The following SLC41A1 variants were observed in gnomAD, a reference collection of about 807,000 sequenced individuals.
SLC41A1 encodes the protein solute carrier family 41 (magnesium transporter), member 1.
In SLC41A1, 20 loss-of-function variants were observed where a neutral mutation model predicts 47.3. That is an observed-to-expected ratio of 0.42 (90% CI 0.30 to 0.61). The LOEUF is 0.61. SLC41A1 is among the 20% of genes least tolerant of loss of function. The probability of loss-of-function intolerance (pLI) is 0.17; values close to 1 mark genes in which losing one functional copy is unlikely to be tolerated. For missense variants in SLC41A1, 504 were observed against 674.1 expected (o/e 0.75, Z 2.79); for synonymous variants, 282 against 272.7 (o/e 1.03, Z -0.34).
intron 2 of SLC41A1, among the ~76,000 whole-genome samples, chr1:205,807,648 GTCTTTTTT>G (rs1656045083): frequency 1.0e-5 from 1 of 100,124 alleles, no homozygotes; most frequent in African/African-American, 3.4e-5. Flanking sequence ...TCCTCGTAGA[GTCTTTTTT>G]TTTTTTTTTT....
intron 10 of SLC41A1, among the ~76,000 whole-genome samples, chr1:205,793,542 A>G (rs1229183335): frequency 6.6e-6 from 1 of 152,232 alleles, no homozygotes; most frequent in African/African-American, 2.4e-5. Context: ...GCCCCTGCCA[A>G]GATGTCCGAA....
At chr1:205,809,612 G>A (rs1266240619) in intron 2 of SLC41A1, among the ~76,000 whole-genome samples, 1 of 152,156 alleles carries the variant, frequency 6.6e-6, no homozygotes, top group Non-Finnish European at 1.5e-5. Flanking sequence ...CTTGGCAGCT[G>A]AACAAATTCC....
At chr1:205,805,723 C>T (rs1007012125) in intron 2 of SLC41A1, among the ~76,000 whole-genome samples, 2 of 152,144 alleles carry the variant, frequency 1.3e-5, no homozygotes, top group African/African-American at 4.8e-5. Context: ...GACTGCCTCC[C>T]CCATAGCCAA....
chr1:205,810,310 C>T lies in SLC41A1; in HGVS notation c.132G>A (p.Gly44=). ...ACTCAATCACCACCTCTACCCCAGC[C>T]CCATCAGGCCCCAGGAACTCTGAGG... The part of the protein sequence containing the change: ...AGTSEFLGPD[G]AGVEVVIESR... Residue 44 remains glycine (G), a synonymous_variant, in exon 2 of 11, where the codon GGG becomes GGA. Transcript: ENST00000367137. This position sits in a 1 kb window ranked among gnomAD's most constrained non-coding sequence, Gnocchi z 5.5. 1 of 1,614,200 alleles carries T rather than the reference C, an allele frequency of 6.2e-7. No homozygotes were observed.
chr1:205,799,910 C>T, intron 3 of SLC41A1, 80 bp from the exon 4 acceptor site: 2 of 1,221,438 alleles, frequency 1.6e-6, no homozygotes, highest in East Asian at 2.4e-5. Flanking sequence ...CTGCCTAGAT[C>T]ATGAGGCAGT....
intron 4 of SLC41A1, 52 bp from the exon 5 acceptor site, chr1:205,799,153 A>C: frequency 1.2e-6 from 2 of 1,609,608 alleles, no homozygotes; most frequent in Non-Finnish European, 1.7e-6. Flanking sequence ...GGGCTTCCTA[A>C]GCTGAGGTCA....
chr1:205,809,446 T>C lies in SLC41A1; in HGVS notation c.372+624A>G, dbSNP rs1178681365. On this transcript the variant is annotated intron_variant, in intron 2 of 10. Transcript: ENST00000367137. The stretch of plus-strand genomic sequence containing the variant: ...ACATTTTGTCCCCATTTACAGCAGA[T>C]AATTAGCACATTTGGGTCTTGTTAC... 3.9e-5 allele frequency among the ~76,000 whole-genome samples: 6 copies of C among 152,336 alleles called. No individual in the cohort carries two copies. The East Asian group carries it at 1.2e-3, about 29-fold the overall frequency.
intron 4 of SLC41A1, 117 bp from the exon 5 acceptor site, chr1:205,799,218 G>C: frequency 3.6e-6 from 5 of 1,386,758 alleles, no homozygotes; most frequent in Non-Finnish European, 5.0e-6. Flanking sequence ...AGGCAGGCTG[G>C]ACTGCATGGT....
chr1:205,802,654 G>A (rs7540981), intron 2 of SLC41A1, among the ~76,000 whole-genome samples: 35,420 of 151,106 alleles, frequency 0.23, 5,394 homozygotes, highest in East Asian at 0.55. Context: ...AGAGGTGGAG[G>A]TTGCAGTGAG....
rs371753820 is a variant in SLC41A1 at position 205,799,255 on chromosome 1, CTTTA to C, written c.553-158_553-155del. The stretch of plus-strand genomic sequence containing the variant: ...CAGTCCTCCCAGGCTGGAAGGATGT[CTTTA>C]TTTATTTAGGTTCACACCAGCCACT... On this transcript the variant is annotated intron_variant, in intron 4 of 10. Transcript: ENST00000367137. Among the ~76,000 whole-genome samples the C allele has an allele frequency of 8.5e-4, 130 of 152,256 alleles. 1 individual carries two copies. The highest frequency in any genetic ancestry group is 9.4e-4 in the Non-Finnish European group (64 of 68,006).
In SLC41A1 at chr1:205,791,237, C is replaced by A; in HGVS notation, c.*296G>T. The A allele has an allele frequency of 9.3e-6, 4 of 431,580 alleles. No homozygotes were observed. Among genetic ancestry groups the A allele is most frequent in the South Asian group, 4.3e-5 (2 of 46,364 alleles). The allele number at this position is 431,580 out of a possible 1,614,324, so 26.7% of individuals were successfully genotyped here. ...AAACCCCATGTCCCCAGATTCCAGA[C>A]AAAACTCCCCTGCTCCAGTCCACAT... On this transcript the variant is annotated 3_prime_UTR_variant, in exon 11 of 11. Transcript: ENST00000367137. This position sits in a 1 kb window ranked among gnomAD's most constrained non-coding sequence, Gnocchi z 4.0.
At chr1:205,792,828 G>A (rs984745882) in intron 10 of SLC41A1, among the ~76,000 whole-genome samples, 1 of 152,162 alleles carries the variant, frequency 6.6e-6, no homozygotes, top group African/African-American at 2.4e-5. Context: ...ACTGTGGTAT[G>A]AAAATTCTGC....
intron 1 of SLC41A1, 60 bp downstream of exon 1, chr1:205,812,748 C>T: frequency 6.1e-6 from 6 of 986,106 alleles, no homozygotes; most frequent in Non-Finnish European, 7.2e-6. Flanking sequence ...AAATGCGCTG[C>T]GCGCCAGGAC....
rs1229610674 is a variant in SLC41A1, at chr1:205,812,822, G to A, written c.-661C>T. The stretch of plus-strand genomic sequence containing the variant: ...ACAGGACTGACCTGCCCCTCGCCTG[G>A]GAGGAAGGGGGGCGCCTGGCAAGTG... On this transcript the variant is annotated 5_prime_UTR_variant, in exon 1 of 11. Transcript: ENST00000367137. 1.0e-6 allele frequency: 1 copy of A among 985,128 alleles called. No individual in the cohort carries two copies. Among genetic ancestry groups the A allele is most frequent in the East Asian group, 1.1e-4 (1 of 8,800 alleles). The allele number at this position is 985,128 out of a possible 1,614,324, so 61.0% of individuals were successfully genotyped here. A position where few individuals can be genotyped will look rare whatever the true frequency, so the allele number is the denominator to read the frequency against.
chr1:205,792,870 C>T (rs1320053480), intron 10 of SLC41A1, among the ~76,000 whole-genome samples: 1 of 152,062 alleles, frequency 6.6e-6, no homozygotes, highest in Non-Finnish European at 1.5e-5. Flanking sequence ...AACCACAGCC[C>T]TTAAGGGATC....
chr1:205,803,632 C>CTTTTTTTTTTTTTTTTTT (rs140199204), intron 2 of SLC41A1, among the ~76,000 whole-genome samples: 1 of 121,032 alleles, frequency 8.3e-6, no homozygotes. Context: ...TAGTCAAATT[C>CTTTTTTTTTTTTTTTTTT]TTTTTTTTTT....
chr1:205,791,502 A>C lies in SLC41A1; in HGVS notation c.*31T>G. ...AAGAAAAATTTCAAATAGAAAGTGCAGAGGGATGGGGAAAATGTTGAGTGA... is the reference window on the plus strand; with the variant it reads ...AAGAAAAATTTCAAATAGAAAGTGCCGAGGGATGGGGAAAATGTTGAGTGA... On this transcript the variant is annotated 3_prime_UTR_variant, in exon 11 of 11. Coordinates refer to ENST00000367137, the MANE Select transcript of SLC41A1 (RefSeq NM_173854.6). The surrounding 1 kb of genome is among the most constrained non-coding windows in gnomAD (Gnocchi z 4.0). 6.2e-7 allele frequency: 1 copy of C among 1,613,968 alleles called. No homozygotes were observed. The highest frequency in any genetic ancestry group is 8.5e-7 in the Non-Finnish European group (1 of 1,179,898).
intron 3 of SLC41A1, among the ~76,000 whole-genome samples, chr1:205,800,532 G>A (rs1006344567): frequency 6.6e-5 from 10 of 152,052 alleles, no homozygotes; most frequent in Middle Eastern, 3.4e-3. Flanking sequence ...TGGGATGGCC[G>A]GGGGGCTGGG....
intron 2 of SLC41A1, among the ~76,000 whole-genome samples, chr1:205,808,940 C>G (rs1656078118): frequency 6.6e-6 from 1 of 152,230 alleles, no homozygotes; most frequent in Non-Finnish European, 1.5e-5. Flanking sequence ...CTCTATATCA[C>G]TATGGTCTGT....
Sources: gnomAD v4.1 joint callset for allele counts (sites outside exome capture counted in the v4.1 genomes callset) on GRCh38, gnomAD v4.1.1 for gene constraint, Gnocchi (gnomAD v3.1) non-coding constraint, MANE v1.5 for transcripts, NCBI Gene and HGNC (gene_info 2026-07-23, HGNC 2026-07-21) for gene names.